The following TNFRSF1B variants were observed in gnomAD, a reference collection of about 807,000 sequenced individuals.
TNFRSF1B encodes TNF receptor superfamily member 1B.
TNFRSF1B carries 19 observed loss-of-function variants against 44.6 expected under a neutral mutation model. The observed-to-expected ratio is 0.43, with a 90% CI of 0.30 to 0.62. The LOEUF is 0.62. Ranked by LOEUF, TNFRSF1B falls within the 20% of genes least tolerant of loss-of-function variation. The pLI, the probability that TNFRSF1B is intolerant of heterozygous loss-of-function variation, is 0.16. For synonymous variants in TNFRSF1B, 252 were observed against 261.1 expected (o/e 0.97, Z 0.34); for missense variants, 541 against 619.9 (o/e 0.87, Z 1.35).
intron 9 of TNFRSF1B, among the ~76,000 whole-genome samples, chr1:12,206,000 C>T (rs899325824): frequency 2.0e-5 from 3 of 151,900 alleles, no homozygotes; most frequent in African/African-American, 4.8e-5. Flanking sequence ...AAGATGGGTC[C>T]GAGGCTCTGG....
chr1:12,173,119 C>T (rs959095217), intron 1 of TNFRSF1B, among the ~76,000 whole-genome samples: 4 of 152,158 alleles, frequency 2.6e-5, no homozygotes, highest in African/African-American at 9.7e-5. Context: ...CAGTTCCCAT[C>T]TGAGCACCGT....
intron 1 of TNFRSF1B, among the ~76,000 whole-genome samples, chr1:12,184,408 C>T (rs1353352021): frequency 1.3e-5 from 2 of 152,134 alleles, no homozygotes; most frequent in Admixed American, 1.3e-4. Flanking sequence ...GGAGCCGACC[C>T]CCTCTGCCAG....
intron 1 of TNFRSF1B, among the ~76,000 whole-genome samples, chr1:12,185,185 CG>C (rs1638954352): frequency 1.3e-5 from 2 of 152,148 alleles, no homozygotes; most frequent in African/African-American, 2.4e-5. Flanking sequence ...CTTTGGATGC[CG>C]GGTCTCGGCC....
At chr1:12,192,312 G>A in intron 4 of TNFRSF1B, 119 bp from the exon 5 acceptor site, 1 of 769,002 alleles carries the variant, frequency 1.3e-6, no homozygotes, top group Non-Finnish European at 2.3e-6. Context: ...GTGTGTAAGG[G>A]GTGGAGGTGC....
chr1:12,195,184 T>C (rs1235341641), intron 8 of TNFRSF1B, among the ~76,000 whole-genome samples: 1 of 152,188 alleles, frequency 6.6e-6, no homozygotes, highest in African/African-American at 2.4e-5. Context: ...TTGATCTGTT[T>C]TATAAAGTAG....
chr1:12,183,587 T>C (rs188721192), intron 1 of TNFRSF1B, among the ~76,000 whole-genome samples: 1 of 150,088 alleles, frequency 6.7e-6, no homozygotes, highest in Non-Finnish European at 1.5e-5. Flanking sequence ...TATCTAGCTA[T>C]CTTTCTATTT....
At position 12,202,295 on chromosome 1, in the gene TNFRSF1B, AC is replaced by A. The variant is rs1182662294; in HGVS notation, c.1105+125del. 4.2e-5 allele frequency: 60 copies of A among 1,412,790 alleles called. No individual in the cohort carries two copies. The East Asian group carries it at 1.2e-3, about 28-fold the overall frequency. The allele number at this position is 1,412,790 out of a possible 1,614,324, so 87.5% of individuals were successfully genotyped here. On this transcript the variant is annotated intron_variant, in intron 9 of 9. Transcript: ENST00000376259. ...TGGGACGAGGCCTGAGCCACAGGGAACTTCCTTCGGTTCGCTGAACCTAAGT... is the reference window on the plus strand; with the variant it reads ...TGGGACGAGGCCTGAGCCACAGGGAATTCCTTCGGTTCGCTGAACCTAAGT...
rs993118083 is a variant in TNFRSF1B, at chr1:12,186,021, T to C, written c.79-2775T>C. Among the ~76,000 whole-genome samples the C allele has an allele frequency of 6.6e-6, 1 of 151,958 alleles. No homozygotes were observed. The highest frequency in any genetic ancestry group is 1.5e-5 in the Non-Finnish European group (1 of 67,954). ...CTGAGCAGGGCTCTTAAGGGACACG[T>C]GGAATTTGTTACAGGAAGCACCAGG... is the stretch of plus-strand genomic sequence containing the variant. On this transcript the variant is annotated intron_variant, in intron 1 of 9. Coordinates refer to ENST00000376259, the MANE Select transcript of TNFRSF1B (RefSeq NM_001066.3). This position sits in a 1 kb window ranked among gnomAD's most constrained non-coding sequence, Gnocchi z 4.8.
At chr1:12,197,986 G>T (rs907178011) in intron 8 of TNFRSF1B, among the ~76,000 whole-genome samples, 1 of 152,074 alleles carries the variant, frequency 6.6e-6, no homozygotes, top group Non-Finnish European at 1.5e-5. Context: ...TTAGCCGGGC[G>T]TGGTGGCGGG....
At chr1:12,197,945 G>GA (rs1172365144) in intron 8 of TNFRSF1B, among the ~76,000 whole-genome samples, 1 of 152,060 alleles carries the variant, frequency 6.6e-6, no homozygotes, top group African/African-American at 2.4e-5. Flanking sequence ...CTAACACAGT[G>GA]AAACCCCATC....
At position 12,169,360 on chromosome 1, in the gene TNFRSF1B, T is replaced by G. The variant is rs948346030; in HGVS notation, c.78+2191T>G. Among the ~76,000 whole-genome samples the G allele has an allele frequency of 6.6e-6, 1 of 152,282 alleles. No homozygotes were observed. The highest frequency in any genetic ancestry group is 6.5e-5 in the Admixed American group (1 of 15,302). On this transcript the variant is annotated intron_variant, in intron 1 of 9. Coordinates refer to ENST00000376259, the MANE Select transcript of TNFRSF1B (RefSeq NM_001066.3). This position sits in a 1 kb window ranked among gnomAD's most constrained non-coding sequence, Gnocchi z 4.5. ...CTGGGCTAGGTACTTTGTCACAAAA[T>G]TTCACTGAAACCTCCCTTACAGCAA...
In TNFRSF1B at chr1:12,193,986, A is replaced by G. The variant is rs1480404028; in HGVS notation, c.819A>G (p.Leu273=). The G allele has an allele frequency of 6.2e-7, 1 of 1,614,038 alleles. No homozygotes were observed. The highest frequency in any genetic ancestry group is 2.2e-5 in the East Asian group (1 of 44,872). The part of the protein sequence containing the change: ...GLIVGVTALG[L]LIIGVVNCVI... The stretch of plus-strand genomic sequence containing the variant: ...TTGTGGGTGTGACAGCCTTGGGTCT[A>G]CTAATAATAGGAGTGGTGAACTGTG... The change falls in exon 7 of 10, where the codon CTA becomes CTG. Residue 273 remains leucine, a synonymous_variant. Transcript: ENST00000376259.
intron 3 of TNFRSF1B, among the ~76,000 whole-genome samples, chr1:12,191,447 G>C (rs953102281): frequency 6.6e-6 from 1 of 151,700 alleles, no homozygotes; most frequent in African/African-American, 2.4e-5. Flanking sequence ...GCGGCACTGC[G>C]GGGAGGAGCA....
intron 1 of TNFRSF1B, among the ~76,000 whole-genome samples, chr1:12,182,224 G>T (rs185318392): frequency 3.3e-5 from 5 of 152,202 alleles, no homozygotes; most frequent in Non-Finnish European, 7.3e-5. Flanking sequence ...GATTCAGAGA[G>T]GCTATGATGC....
intron 1 of TNFRSF1B, among the ~76,000 whole-genome samples, chr1:12,183,680 CTAT>C (rs1415690729): frequency 2.5e-4 from 31 of 125,904 alleles, no homozygotes; most frequent in African/African-American, 8.2e-4. Flanking sequence ...ATCTATCTAT[CTAT>C]CTATCTATCT....
chr1:12,196,508 G>T (rs1462194602), intron 8 of TNFRSF1B, among the ~76,000 whole-genome samples: 1 of 152,080 alleles, frequency 6.6e-6, no homozygotes, highest in East Asian at 1.9e-4. Context: ...ACTGCTCGAG[G>T]GAACAGCTCA....
intron 1 of TNFRSF1B, among the ~76,000 whole-genome samples, chr1:12,172,951 C>T (rs494964): frequency 0.013 from 2,010 of 152,336 alleles, 37 homozygotes; most frequent in African/African-American, 0.045. Flanking sequence ...CATCTCCAAC[C>T]TCTGTGCTGC....
intron 1 of TNFRSF1B, among the ~76,000 whole-genome samples, chr1:12,185,859 A>C (rs1638975367): frequency 6.6e-6 from 1 of 152,162 alleles, no homozygotes; most frequent in East Asian, 1.9e-4. Flanking sequence ...CTGCAGCCTC[A>C]GGGGGGCTTC....
intron 9 of TNFRSF1B, 98 bp downstream of exon 9, chr1:12,202,269 G>T: frequency 6.8e-7 from 1 of 1,479,238 alleles, no homozygotes; most frequent in East Asian, 2.5e-5. Context: ...TCCCCGCAGG[G>T]TGGGACGAGG....
Sources: allele counts gnomAD v4.1 joint callset (sites outside exome capture counted in the v4.1 genomes callset), GRCh38; gene constraint gnomAD v4.1.1; non-coding constraint Gnocchi (gnomAD v3.1); transcripts MANE v1.5; gene names NCBI Gene and HGNC (gene_info 2026-07-23, HGNC 2026-07-21).